Variants in PRP4K observed in about 807,000 individuals in gnomAD.
PRP4K encodes pre-mRNA processing factor kinase PRP4K, also known as serine/threonine-protein kinase PRP4 homolog.
chr6:4,041,044 C>CTGAA, the PRP4K span: 2 of 1,131,466 alleles, frequency 1.8e-6, no homozygotes, highest in African/African-American at 3.2e-5. Context: ...TAATTTGGCT[C>CTGAA]TGAATTTAAA....
the PRP4K span, among the ~76,000 whole-genome samples, chr6:4,039,241 G>A: frequency 0.79 from 120,380 of 152,094 alleles, 47,754 homozygotes; most frequent in Middle Eastern, 0.9. Flanking sequence ...GACAGTGTAG[G>A]ACTTGTCAGC....
the PRP4K span, chr6:4,037,610 T>A: frequency 6.3e-7 from 1 of 1,581,240 alleles, no homozygotes; most frequent in Non-Finnish European, 8.6e-7. Flanking sequence ...AAACTCTGAA[T>A]GTTTTTGAAC....
chr6:4,033,352 T>G, the PRP4K span, among the ~76,000 whole-genome samples: 1 of 152,152 alleles, frequency 6.6e-6, no homozygotes, highest in Non-Finnish European at 1.5e-5. Context: ...TATGAAATTA[T>G]TTTGTACTAT....
the PRP4K span, among the ~76,000 whole-genome samples, chr6:4,026,325 CAG>C: frequency 1.0e-5 from 1 of 98,446 alleles, no homozygotes; most frequent in Non-Finnish European, 1.9e-5. Flanking sequence ...TTTTTGGAGA[CAG>C]AGTCTTGTTC....
the PRP4K span, chr6:4,049,386 C>A: frequency 2.1e-6 from 1 of 467,738 alleles, no homozygotes. Context: ...AGGGGTACGT[C>A]ACTTACTCGT....
chr6:4,026,872 A>T, the PRP4K span, among the ~76,000 whole-genome samples: 1 of 152,148 alleles, frequency 6.6e-6, no homozygotes, highest in Non-Finnish European at 1.5e-5. Flanking sequence ...CTTGTTTGAG[A>T]AAGTGACGTT....
At chr6:4,021,776 C>T in the PRP4K span, among the ~76,000 whole-genome samples, 3 of 152,230 alleles carry the variant, frequency 2.0e-5, no homozygotes, top group African/African-American at 7.2e-5. Context: ...TCGCGCTTTC[C>T]TATGCCTCTT....
chr6:4,057,102 A>G, the PRP4K span: 2 of 1,612,144 alleles, frequency 1.2e-6, no homozygotes, highest in Non-Finnish European at 1.7e-6. Flanking sequence ...TACGAACTCT[A>G]TACTGGAAAA....
the PRP4K span, chr6:4,056,830 CT>C: frequency 8.7e-7 from 1 of 1,147,826 alleles, no homozygotes; most frequent in South Asian, 1.6e-5. Flanking sequence ...AGTTCCTCCC[CT>C]ACACCTCCAT....
the PRP4K span, among the ~76,000 whole-genome samples, chr6:4,029,432 C>T: frequency 6.7e-6 from 1 of 149,988 alleles, no homozygotes; most frequent in African/African-American, 2.5e-5. Context: ...CAGCCTTGAC[C>T]TCCCAGGCTC....
the PRP4K span, chr6:4,058,922 T>A: frequency 1.2e-6 from 1 of 818,712 alleles, no homozygotes; most frequent in Non-Finnish European, 1.9e-6. Flanking sequence ...AGTAAGTATT[T>A]CCTTTTTGCT....
At chr6:4,030,474 T>C in the PRP4K span, among the ~76,000 whole-genome samples, 25,973 of 152,180 alleles carry the variant, frequency 0.17, 2,639 homozygotes, top group African/African-American at 0.26. Context: ...TGGTCTGATA[T>C]TCTAGGATGA....
At chr6:4,043,605 A>C in the PRP4K span, among the ~76,000 whole-genome samples, 1 of 152,162 alleles carries the variant, frequency 6.6e-6, no homozygotes, top group African/African-American at 2.4e-5. Flanking sequence ...ATGAATGTGC[A>C]CTGAAGAAAG....
the PRP4K span, among the ~76,000 whole-genome samples, chr6:4,029,533 A>G: frequency 6.6e-6 from 1 of 151,402 alleles, no homozygotes; most frequent in African/African-American, 2.4e-5. Context: ...TTTTATTTTT[A>G]ATAAAGATGA....
At chr6:4,056,943 C>CTA in the PRP4K span, 1 of 1,292,336 alleles carries the variant, frequency 7.7e-7, no homozygotes, top group African/African-American at 1.5e-5. Context: ...ATAGTCCAAG[C>CTA]TAAGGTAGCC....
At chr6:4,038,126 A>G in the PRP4K span, among the ~76,000 whole-genome samples, 4 of 152,150 alleles carry the variant, frequency 2.6e-5, no homozygotes, top group Admixed American at 6.5e-5. Flanking sequence ...TTGTTTGCCA[A>G]TCTTTTAACA....
At chr6:4,033,395 C>T in the PRP4K span, among the ~76,000 whole-genome samples, 1 of 151,998 alleles carries the variant, frequency 6.6e-6, no homozygotes, top group South Asian at 2.1e-4. Context: ...TCTTATAAAT[C>T]CTCATGTGAT....
At chr6:4,055,351 A>C in the PRP4K span, among the ~76,000 whole-genome samples, 1 of 152,254 alleles carries the variant, frequency 6.6e-6, no homozygotes, top group Non-Finnish European at 1.5e-5. Context: ...TCTGATTCCC[A>C]AGATGAAAAG....
the PRP4K span, among the ~76,000 whole-genome samples, chr6:4,059,968 TTTAAG>T: frequency 6.6e-6 from 1 of 152,216 alleles, no homozygotes; most frequent in Non-Finnish European, 1.5e-5. Flanking sequence ...AACTTTTTCA[TTTAAG>T]TTTTTTGGTT....
Sources: gnomAD v4.1 joint callset for allele counts (sites outside exome capture counted in the v4.1 genomes callset) on GRCh38, gnomAD v4.1.1 for gene constraint, MANE v1.5 for transcripts, NCBI Gene and HGNC (gene_info 2026-07-23, HGNC 2026-07-21) for gene names.